Variants in PLCE1 observed in about 807,000 individuals in gnomAD.
The protein encoded by PLCE1 is 1-phosphatidylinositol 4,5-bisphosphate phosphodiesterase epsilon-1.
A neutral mutation model predicts 242.8 loss-of-function variants in PLCE1; 119 were observed. That is an observed-to-expected ratio of 0.49 (90% CI 0.42 to 0.57). PLCE1 has a LOEUF of 0.57. Among genes scored for constraint, PLCE1 ranks in the 20% least tolerant of loss-of-function variants. The pLI is 0.00. For missense variants in PLCE1, 2,441 were observed against 2,788.8 expected, an observed-to-expected ratio of 0.88 and a Z score of 2.81; for synonymous variants, 945 against 1,017.4, an observed-to-expected ratio of 0.93 and a Z score of 1.35.
intron 2 of PLCE1, among the ~76,000 whole-genome samples, chr10:94,064,864 T>C (rs528400165): frequency 3.1e-3 from 473 of 152,284 alleles, no homozygotes; most frequent in African/African-American, 0.01. Flanking sequence ...TCCCACCTTT[T>C]CCTGGCAGAG....
intron 4 of PLCE1, among the ~76,000 whole-genome samples, chr10:94,221,585 A>AT (rs2049747964): frequency 6.6e-6 from 1 of 152,184 alleles, no homozygotes; most frequent in Non-Finnish European, 1.5e-5. Flanking sequence ...AAAATACAAA[A>AT]TTAGCCAGGT....
intron 2 of PLCE1, among the ~76,000 whole-genome samples, chr10:94,043,197 G>A (rs1166095900): frequency 6.6e-6 from 1 of 152,106 alleles, no homozygotes; most frequent in East Asian, 1.9e-4. Flanking sequence ...GGCACCTGGA[G>A]GAAAAACAGA....
chr10:94,055,737 T>C (rs1241708347), intron 2 of PLCE1, among the ~76,000 whole-genome samples: 1 of 152,196 alleles, frequency 6.6e-6, no homozygotes, highest in South Asian at 2.1e-4. Context: ...CATAAAGTAT[T>C]GATGGTAATG....
intron 4 of PLCE1, among the ~76,000 whole-genome samples, chr10:94,203,844 G>A (rs10786155): frequency 0.21 from 31,338 of 152,138 alleles, 3,348 homozygotes; most frequent in Admixed American, 0.25. Context: ...TCCACAACCT[G>A]TGAAGGCAGA....
intron 2 of PLCE1, among the ~76,000 whole-genome samples, chr10:94,092,924 T>A (rs1489429621): frequency 6.6e-6 from 1 of 152,156 alleles, no homozygotes. Context: ...GCAGACACAA[T>A]AAATTATTTG....
intron 4 of PLCE1, among the ~76,000 whole-genome samples, chr10:94,214,980 G>A (rs911900610): frequency 6.6e-5 from 10 of 152,134 alleles, no homozygotes; most frequent in Admixed American, 2.6e-4. Context: ...AATGGGTCCA[G>A]CCCATTCCAG....
intron 22 of PLCE1, among the ~76,000 whole-genome samples, chr10:94,285,476 A>G (rs1002143837): frequency 1.3e-5 from 2 of 152,196 alleles, no homozygotes; most frequent in African/African-American, 4.8e-5. Flanking sequence ...AAAAATGAAG[A>G]CACACAGGTT....
At chr10:94,326,378 A>T (rs1473527738) in intron 32 of PLCE1, among the ~76,000 whole-genome samples, 1 of 152,246 alleles carries the variant, frequency 6.6e-6, no homozygotes, top group African/African-American at 2.4e-5. Flanking sequence ...CCACATTTAA[A>T]GAGCAACTCC....
intron 5 of PLCE1, among the ~76,000 whole-genome samples, chr10:94,232,678 C>G (rs890267559): frequency 1.3e-5 from 2 of 152,186 alleles, no homozygotes; most frequent in African/African-American, 4.8e-5. Context: ...GGGTCCTGTC[C>G]TCACAGGCCC....
intron 5 of PLCE1, among the ~76,000 whole-genome samples, chr10:94,230,930 G>C (rs1241523707): frequency 6.6e-6 from 1 of 152,074 alleles, no homozygotes; most frequent in African/African-American, 2.4e-5. Flanking sequence ...TTATATCATT[G>C]GAAAGCAGGA....
intron 1 of PLCE1, among the ~76,000 whole-genome samples, chr10:94,024,339 G>A (rs1935962): frequency 0.41 from 62,721 of 151,984 alleles, 16,403 homozygotes; most frequent in African/African-American, 0.75. Flanking sequence ...TTACTTTAGT[G>A]TCTCTTTTCC....
At chr10:94,326,706 G>GTGAT (rs1399378770) in intron 32 of PLCE1, among the ~76,000 whole-genome samples, 3 of 152,192 alleles carry the variant, frequency 2.0e-5, no homozygotes, top group African/African-American at 2.4e-5. Flanking sequence ...CTGGGGGAGG[G>GTGAT]TGATTGATAG....
intron 4 of PLCE1, among the ~76,000 whole-genome samples, chr10:94,224,255 T>G (rs1416762240): frequency 6.6e-6 from 1 of 152,230 alleles, no homozygotes; most frequent in South Asian, 2.1e-4. Context: ...TCGCTGTTTT[T>G]TTCCTAGCAT....
intron 1 of PLCE1, among the ~76,000 whole-genome samples, chr10:94,018,268 G>A (rs1018151592): frequency 1.3e-5 from 2 of 152,142 alleles, no homozygotes; most frequent in Non-Finnish European, 2.9e-5. Flanking sequence ...GCAGCTCAGG[G>A]CCCTTCCCAC....
At chr10:94,002,107 T>G (rs1200068704) in intron 1 of PLCE1, among the ~76,000 whole-genome samples, 1 of 149,644 alleles carries the variant, frequency 6.7e-6, no homozygotes, top group Non-Finnish European at 1.5e-5. Flanking sequence ...TAGAGGTAGT[T>G]GTGAAAAAAA....
intron 2 of PLCE1, among the ~76,000 whole-genome samples, chr10:94,060,655 A>G (rs2044025928): frequency 6.6e-6 from 1 of 151,784 alleles, no homozygotes; most frequent in Non-Finnish European, 1.5e-5. Flanking sequence ...TAACGTTAGC[A>G]TGAACCCAGG....
In PLCE1 at chr10:94,252,410, C is replaced by T. The variant is rs775057970; in HGVS notation, c.3191C>T (p.Ser1064Leu). 3.9e-5 allele frequency: 63 copies of T among 1,614,040 alleles called. No individual in the cohort carries two copies. The Middle Eastern group carries it at 9.9e-4, about 25-fold the overall frequency. The change falls in exon 9 of 33, where the codon TCA (serine) becomes TTA (leucine). Residue 1064 changes from serine (S) to leucine (L), a missense_variant. This residue lies in a region of PLCE1 where 1,004 missense variants were observed against 1,322.7 expected (regional missense o/e 0.76). Transcript: ENST00000371380. Reference protein sequence around the residue: ...WSARNPSPGTSAKNAEKPNMQ... With the variant: ...WSARNPSPGTLAKNAEKPNMQ... ...GCTCGAAACCCCAGCCCCGGAACATCAGCAAAGAATGCTGAGAAGCCCAAT... is the reference window on the plus strand; with the variant it reads ...GCTCGAAACCCCAGCCCCGGAACATTAGCAAAGAATGCTGAGAAGCCCAAT...
chr10:94,291,258 G>A (rs1237274730), intron 22 of PLCE1, among the ~76,000 whole-genome samples: 1 of 152,084 alleles, frequency 6.6e-6, no homozygotes, highest in Non-Finnish European at 1.5e-5. Context: ...CAAGTCGCTG[G>A]GACTACTGGT....
At chr10:94,266,292 G>A (rs184459303) in intron 16 of PLCE1, among the ~76,000 whole-genome samples, 8 of 152,182 alleles carry the variant, frequency 5.3e-5, no homozygotes, top group African/African-American at 9.6e-5. Context: ...TTATCTAATC[G>A]TCTCTCTAAC....
Sources: gnomAD v4.1 joint callset for allele counts (sites outside exome capture counted in the v4.1 genomes callset) on GRCh38, gnomAD v4.1.1 for gene constraint, gnomAD v4.1.1 regional missense constraint, MANE v1.5 for transcripts, NCBI Gene and HGNC (gene_info 2026-07-23, HGNC 2026-07-21) for gene names.